METTL25: variants seen among roughly 807,000 people sequenced by gnomAD.
The protein encoded by METTL25 is methyltransferase like 25.
A neutral mutation model predicts 71.6 loss-of-function variants in METTL25; 64 were observed. The ratio of observed to expected loss-of-function variants is 0.89; its 90% CI spans 0.73 to 1.10. The LOEUF is 1.10. Among genes scored for constraint, METTL25 ranks in the 50% least tolerant of loss-of-function variants. The pLI, the probability that METTL25 is intolerant of heterozygous loss-of-function variation, is 0.00. For synonymous variants in METTL25, 287 were observed against 250.3 expected, an observed-to-expected ratio of 1.15 and a Z score of -1.38; for missense variants, 807 against 707.0, an observed-to-expected ratio of 1.14 and a Z score of -1.60.
intron 5 of METTL25, among the ~76,000 whole-genome samples, chr12:82,406,261 A>G (rs900676194): frequency 2.6e-5 from 4 of 152,182 alleles, no homozygotes; most frequent in African/African-American, 9.7e-5. Context: ...GTAATTTTTT[A>G]AAAACATTGT....
rs143055020 is a variant in METTL25 at position 82,426,437 on chromosome 12, C to A, written c.1280-4456C>A. 5.2e-4 allele frequency among the ~76,000 whole-genome samples: 79 copies of A among 151,698 alleles called. No homozygotes were observed. The East Asian group carries it at 0.015, about 28-fold the overall frequency. ...TAAACTGCAGTCGTATCTTAAAGTT[C>A]CTAGGTGTTTTGGATAGGAATTCAG... is the stretch of plus-strand genomic sequence containing the variant. On this transcript the variant is annotated intron_variant, in intron 5 of 11. Coordinates refer to ENST00000248306, the MANE Select transcript of METTL25 (RefSeq NM_032230.3).
chr12:82,373,258 G>T (rs915687241), intron 1 of METTL25, among the ~76,000 whole-genome samples: 1 of 152,122 alleles, frequency 6.6e-6, no homozygotes, highest in Non-Finnish European at 1.5e-5. Context: ...GACACCTTTT[G>T]TCCTCACTTG....
chr12:82,463,841 T>G (rs1322821199), intron 9 of METTL25, among the ~76,000 whole-genome samples: 1 of 152,012 alleles, frequency 6.6e-6, no homozygotes, highest in Non-Finnish European at 1.5e-5. Context: ...ATTAGTGATG[T>G]TGAGCATTTT....
intron 4 of METTL25, 43 bp from the exon 5 acceptor site, chr12:82,402,939 TC>T: frequency 6.9e-6 from 10 of 1,458,028 alleles, no homozygotes; most frequent in Non-Finnish European, 9.4e-6. Context: ...TAAACAACCC[TC>T]TTTTTAATTA....
chr12:82,426,791 GTGTT>G, intron 5 of METTL25, among the ~76,000 whole-genome samples: 1 of 152,070 alleles, frequency 6.6e-6, no homozygotes, highest in Non-Finnish European at 1.5e-5. Context: ...CAGGAATCCT[GTGTT>G]TCTCTGCCCA....
chr12:82,429,878 T>G (rs1359589478), intron 5 of METTL25, among the ~76,000 whole-genome samples: 1 of 151,482 alleles, frequency 6.6e-6, no homozygotes, highest in East Asian at 1.9e-4. Flanking sequence ...CTGTTATAAA[T>G]TTTTATTTAA....
intron 8 of METTL25, chr12:82,439,760 C>A: frequency 2.3e-6 from 1 of 429,296 alleles, no homozygotes; most frequent in Non-Finnish European, 3.1e-6. Context: ...CTTATATTTA[C>A]CCTAAGATGC....
chr12:82,372,918 C>T (rs1476097090), intron 1 of METTL25, among the ~76,000 whole-genome samples: 2 of 152,078 alleles, frequency 1.3e-5, no homozygotes, highest in African/African-American at 4.8e-5. Flanking sequence ...CCCTGCTGAT[C>T]AGAATAGTTG....
intron 1 of METTL25, chr12:82,374,297 G>C (rs1883580009): frequency 6.6e-6 from 1 of 152,310 alleles, no homozygotes; most frequent in Non-Finnish European, 1.5e-5. Flanking sequence ...CAGCATGGAA[G>C]GGGACCTGAG....
intron 5 of METTL25, among the ~76,000 whole-genome samples, chr12:82,406,386 A>G (rs1291397236): frequency 2.0e-5 from 3 of 152,186 alleles, no homozygotes; most frequent in Non-Finnish European, 4.4e-5. Flanking sequence ...AAAAAAGTAC[A>G]TATACACATT....
Position 82,373,690 on chromosome 12 carries a change from G to A in METTL25, c.260-13113G>A, listed in dbSNP as rs960045667. On this transcript the variant is annotated intron_variant, in intron 1 of 11. Coordinates refer to ENST00000248306, the MANE Select transcript of METTL25 (RefSeq NM_032230.3). ...TGCAAGGTCAACCAACTTGTTTGTG[G>A]GACCCTGGAGCTGATTGGCTTTTCT... Among the ~76,000 whole-genome samples, 3 of 152,150 alleles carry A rather than the reference G, an allele frequency of 2.0e-5. No individual in the cohort carries two copies. In the East Asian group the frequency reaches 5.8e-4, roughly 29 times the overall value.
At chr12:82,407,128 T>C (rs1012590933) in intron 5 of METTL25, among the ~76,000 whole-genome samples, 19 of 152,174 alleles carry the variant, frequency 1.2e-4, no homozygotes, top group Non-Finnish European at 2.9e-5. Context: ...TTTCCAAAAA[T>C]CTCTTCTTGG....
At chr12:82,400,009 A>G (rs763976314) in intron 4 of METTL25, among the ~76,000 whole-genome samples, 77 of 149,108 alleles carry the variant, frequency 5.2e-4, no homozygotes, top group Non-Finnish European at 9.5e-4. Context: ...TTTTCTTTTT[A>G]AAGAAATTCT....
intron 3 of METTL25, among the ~76,000 whole-genome samples, chr12:82,396,725 C>G (rs138172230): frequency 6.6e-6 from 1 of 152,054 alleles, no homozygotes; most frequent in African/African-American, 2.4e-5. Flanking sequence ...AAGAATATAC[C>G]TATCCTCCTA....
At chr12:82,377,636 C>A (rs117476261) in intron 1 of METTL25, among the ~76,000 whole-genome samples, 4,426 of 152,172 alleles carry the variant, frequency 0.029, 78 homozygotes, top group Middle Eastern at 0.041. Flanking sequence ...AAGTAAAAAA[C>A]TACTTAGTTT....
At chr12:82,378,109 C>T (rs1385120045) in intron 1 of METTL25, among the ~76,000 whole-genome samples, 1 of 152,030 alleles carries the variant, frequency 6.6e-6, no homozygotes, top group Non-Finnish European at 1.5e-5. Context: ...ACTGTTGGTT[C>T]TCCTCTGAGT....
intron 4 of METTL25, 69 bp downstream of exon 4, chr12:82,399,463 C>T (rs543602656): frequency 1.7e-6 from 2 of 1,181,304 alleles, no homozygotes; most frequent in East Asian, 2.4e-5. Context: ...TAGTAGCTTA[C>T]TTAACATACA....
intron 8 of METTL25, among the ~76,000 whole-genome samples, chr12:82,440,470 A>T (rs1592727639): frequency 2.6e-5 from 4 of 152,028 alleles, no homozygotes. Context: ...AAATGACATG[A>T]CCGTTATCAA....
At chr12:82,359,921 A>G (rs1049992409) in intron 1 of METTL25, among the ~76,000 whole-genome samples, 3 of 152,204 alleles carry the variant, frequency 2.0e-5, no homozygotes, top group Admixed American at 2.0e-4. Context: ...TTGTTTTTTT[A>G]AGTAATTGTT....
Sources: gnomAD v4.1 joint callset for allele counts (sites outside exome capture counted in the v4.1 genomes callset) on GRCh38, gnomAD v4.1.1 for gene constraint, MANE v1.5 for transcripts, NCBI Gene and HGNC (gene_info 2026-07-23, HGNC 2026-07-21) for gene names.